Variants in IL1RAPL1 observed in about 807,000 individuals in gnomAD.
IL1RAPL1 encodes the protein interleukin-1 receptor accessory protein-like 1.
IL1RAPL1 carries 3 observed loss-of-function variants against 48.4 expected under a neutral mutation model. That is an observed-to-expected ratio of 0.06 (90% CI 0.03 to 0.16). The LOEUF (loss-of-function observed/expected upper bound fraction) is 0.16. Ranked by LOEUF, IL1RAPL1 falls within the 10% of genes least tolerant of loss-of-function variation. The pLI, the probability that IL1RAPL1 is intolerant of heterozygous loss-of-function variation, is 1.00. For missense variants in IL1RAPL1, 349 were observed against 530.6 expected (o/e 0.66, Z 3.36); for synonymous variants, 185 against 187.7 (o/e 0.99, Z 0.12).
At chrX:29,912,471 A>G (rs1476448161) in intron 6 of IL1RAPL1, among the ~76,000 whole-genome samples, 1 of 112,141 alleles carries the variant, frequency 8.9e-6, no homozygotes, top group Non-Finnish European at 1.9e-5. Context: ...TGCATAGTCA[A>G]GTTGCTGGGC....
At chrX:29,540,899 AG>A (rs1211861460) in intron 5 of IL1RAPL1, among the ~76,000 whole-genome samples, 1 of 112,166 alleles carries the variant, frequency 8.9e-6, no homozygotes, top group African/African-American at 3.2e-5. Flanking sequence ...AGTTCTGAAA[AG>A]CAATTGCAAC....
chrX:29,432,564 G>T (rs1407097817), intron 5 of IL1RAPL1, among the ~76,000 whole-genome samples: 2 of 111,654 alleles, frequency 1.8e-5, no homozygotes, highest in Non-Finnish European at 3.8e-5. Context: ...AGTTCTGTCT[G>T]TGTCACCTAT....
chrX:29,855,835 A>T (rs2147201080), intron 6 of IL1RAPL1, among the ~76,000 whole-genome samples: 1 of 110,897 alleles, frequency 9.0e-6, no homozygotes, highest in East Asian at 2.9e-4. Flanking sequence ...AGCAAGCAGG[A>T]CAATGTCTGT....
chrX:28,705,427 AC>A (rs1182352156), intron 1 of IL1RAPL1, among the ~76,000 whole-genome samples: 1 of 111,885 alleles, frequency 8.9e-6, no homozygotes, highest in Non-Finnish European at 1.9e-5. Flanking sequence ...CATCAGACCT[AC>A]CGGTGTCTTT....
At chrX:29,713,177 G>A (rs891780406) in intron 6 of IL1RAPL1, among the ~76,000 whole-genome samples, 1 of 111,484 alleles carries the variant, frequency 9.0e-6, no homozygotes, top group Non-Finnish European at 1.9e-5. Flanking sequence ...ATCCTTAATG[G>A]TATGTGATTA....
chrX:29,128,723 T>C (rs1005305983), intron 2 of IL1RAPL1, among the ~76,000 whole-genome samples: 2 of 111,616 alleles, frequency 1.8e-5, no homozygotes, highest in South Asian at 7.5e-4. Flanking sequence ...CCTCAGTTCT[T>C]AGAATACTGT....
At chrX:29,374,766 T>C (rs1401715917) in intron 3 of IL1RAPL1, among the ~76,000 whole-genome samples, 2 of 109,455 alleles carry the variant, frequency 1.8e-5, no homozygotes, top group Non-Finnish European at 3.8e-5. Flanking sequence ...CAGTAATAGA[T>C]GTTGTTGAAG....
At chrX:29,591,169 A>G (rs1366015327) in intron 5 of IL1RAPL1, among the ~76,000 whole-genome samples, 1 of 111,790 alleles carries the variant, frequency 8.9e-6, no homozygotes, top group Non-Finnish European at 1.9e-5. Context: ...CTTCACCTGC[A>G]GTTGCTAGGG....
chrX:29,631,571 C>T (rs1924775937), intron 5 of IL1RAPL1, among the ~76,000 whole-genome samples: 1 of 112,397 alleles, frequency 8.9e-6, no homozygotes, highest in Non-Finnish European at 1.9e-5. Context: ...CATGACCCAC[C>T]ATACCTGGCC....
At chrX:29,365,118 T>G (rs1218267330) in intron 3 of IL1RAPL1, among the ~76,000 whole-genome samples, 1 of 111,942 alleles carries the variant, frequency 8.9e-6, no homozygotes, top group East Asian at 2.8e-4. Flanking sequence ...ATATAATAGT[T>G]TGAAATGTGA....
At chrX:29,861,986 T>C (rs774918543) in intron 6 of IL1RAPL1, among the ~76,000 whole-genome samples, 1 of 110,382 alleles carries the variant, frequency 9.1e-6, no homozygotes, top group East Asian at 2.9e-4. Context: ...GAGGATTGCT[T>C]GAGCCCAGAA....
At chrX:29,732,838 C>T (rs1458713077) in intron 6 of IL1RAPL1, among the ~76,000 whole-genome samples, 1 of 112,081 alleles carries the variant, frequency 8.9e-6, no homozygotes, top group East Asian at 2.8e-4. Flanking sequence ...TTCCCTTTTG[C>T]AATGGTTGCC....
intron 2 of IL1RAPL1, among the ~76,000 whole-genome samples, chrX:28,952,446 T>G (rs764528137): frequency 8.9e-6 from 1 of 111,835 alleles, no homozygotes; most frequent in African/African-American, 3.2e-5. Flanking sequence ...TTAATCTACT[T>G]AAAACTTTTA....
chrX:29,235,576 A>G (rs146210761), intron 2 of IL1RAPL1, among the ~76,000 whole-genome samples: 353 of 111,585 alleles, frequency 3.2e-3, no homozygotes, highest in African/African-American at 0.011. Context: ...TTCCTGTGTC[A>G]TTTGTGTGAG....
intron 2 of IL1RAPL1, among the ~76,000 whole-genome samples, chrX:29,249,027 A>G (rs1569269178): frequency 9.0e-6 from 1 of 111,463 alleles, no homozygotes; most frequent in Non-Finnish European, 1.9e-5. Flanking sequence ...TAAATGAAAA[A>G]GTAGGGGATT....
chrX:28,957,084 T>C (rs1216778230), intron 2 of IL1RAPL1, among the ~76,000 whole-genome samples: 1 of 110,983 alleles, frequency 9.0e-6, no homozygotes, highest in Non-Finnish European at 1.9e-5. Flanking sequence ...TGGTAGTTTG[T>C]ATTTCTGTGG....
intron 2 of IL1RAPL1, among the ~76,000 whole-genome samples, chrX:29,248,524 T>G (rs779330086): frequency 8.9e-6 from 1 of 112,267 alleles, no homozygotes; most frequent in South Asian, 3.7e-4. Flanking sequence ...AATGCAAAAA[T>G]GCACATATGA....
At chrX:29,210,933 G>A (rs1366994695) in intron 2 of IL1RAPL1, among the ~76,000 whole-genome samples, 4 of 112,112 alleles carry the variant, frequency 3.6e-5, no homozygotes, top group Admixed American at 2.9e-4. Flanking sequence ...TTGCACGTCC[G>A]CACACTACTT....
chrX:29,775,821 A>G (rs957135816), intron 6 of IL1RAPL1, among the ~76,000 whole-genome samples: 8 of 111,355 alleles, frequency 7.2e-5, no homozygotes, highest in Non-Finnish European at 1.5e-4. Context: ...TTATAAATAT[A>G]AATTAGGACC....
Sources: allele counts gnomAD v4.1 joint callset (sites outside exome capture counted in the v4.1 genomes callset), GRCh38; gene constraint gnomAD v4.1.1; transcripts MANE v1.5; gene names NCBI Gene and HGNC (gene_info 2026-07-23, HGNC 2026-07-21).